B4GALT6: variants seen among roughly 807,000 people sequenced by gnomAD.
The protein encoded by B4GALT6 is UDP-Gal:beta-GlcNAc beta-1,4-galactosyltransferase 6.
A neutral mutation model predicts 46.3 loss-of-function variants in B4GALT6; 14 were observed. The ratio of observed to expected loss-of-function variants is 0.30; its 90% CI spans 0.20 to 0.47. B4GALT6 has a LOEUF of 0.47. Among genes scored for constraint, B4GALT6 ranks in the 20% least tolerant of loss-of-function variants. The pLI, the probability that B4GALT6 is intolerant of heterozygous loss-of-function variation, is 0.99. For synonymous variants in B4GALT6, 168 were observed against 162.0 expected (o/e 1.04, Z -0.28); for missense variants, 386 against 480.1 (o/e 0.80, Z 1.83).
chr18:31,676,215 T>C (rs1477089011), intron 1 of B4GALT6, among the ~76,000 whole-genome samples: 1 of 152,084 alleles, frequency 6.6e-6, no homozygotes, highest in East Asian at 1.9e-4. Context: ...GTAACAAGAT[T>C]TCAGTAAAAT....
At chr18:31,684,732 G>A (rs1185467634), upstream of B4GALT6, 20 of 1,118,734 alleles carry the variant, frequency 1.8e-5, no homozygotes, top group Non-Finnish European at 2.2e-5. Flanking sequence ...GGGGAAGGGC[G>A]AGGAGGAGCG....
At chr18:31,663,155 A>G (rs1391770023) in intron 2 of B4GALT6, among the ~76,000 whole-genome samples, 1 of 152,226 alleles carries the variant, frequency 6.6e-6, no homozygotes, top group East Asian at 1.9e-4. Flanking sequence ...ACTGGACCTT[A>G]TCACTTAAAG....
chr18:31,638,442 GC>G (rs2073888918), intron 5 of B4GALT6, among the ~76,000 whole-genome samples: 1 of 152,132 alleles, frequency 6.6e-6, no homozygotes, highest in African/African-American at 2.4e-5. Context: ...CAGGAGAATG[GC>G]GTGAACCTGG....
chr18:31,633,917 G>T (rs1032862520), intron 5 of B4GALT6, among the ~76,000 whole-genome samples: 2 of 152,206 alleles, frequency 1.3e-5, no homozygotes, highest in South Asian at 4.1e-4. Flanking sequence ...AAAAGAAGGG[G>T]ACTTGTCTGG....
the B4GALT6 span, among the ~76,000 whole-genome samples, chr18:31,699,079 CAAAAAAAA>C: frequency 1.2e-5 from 1 of 82,310 alleles, no homozygotes; most frequent in Non-Finnish European, 2.4e-5. Context: ...GACTCTGTCT[CAAAAAAAA>C]AAAAAAAGAA....
Position 31,684,484 on chromosome 18 carries a change from G to A in B4GALT6, c.-58C>T. On this transcript the variant is annotated 5_prime_UTR_variant, in exon 1 of 9. Transcript: ENST00000306851. ...CTCTCAGGCCGGACTCGGGGCCACT[G>A]TCCAGGCCCTAAACTTCCATAAATG... 6.3e-7 allele frequency: 1 copy of A among 1,586,198 alleles called. No individual in the cohort carries two copies. Among genetic ancestry groups the A allele is most frequent in the Non-Finnish European group, 8.6e-7 (1 of 1,166,584 alleles).
intron 3 of B4GALT6, among the ~76,000 whole-genome samples, chr18:31,654,054 A>T (rs2074109261): frequency 6.6e-6 from 1 of 152,236 alleles, no homozygotes; most frequent in Non-Finnish European, 1.5e-5. Flanking sequence ...CATCTCAAGA[A>T]GTCCTTGGAG....
chr18:31,628,294 A>G (rs2073728458), intron 6 of B4GALT6, among the ~76,000 whole-genome samples: 1 of 152,214 alleles, frequency 6.6e-6, no homozygotes, highest in African/African-American at 2.4e-5. Context: ...GGGGTTCCAC[A>G]GGGCCAATAA....
chr18:31,645,707 T>A (rs2073983829), intron 3 of B4GALT6, among the ~76,000 whole-genome samples: 1 of 152,198 alleles, frequency 6.6e-6, no homozygotes, highest in Non-Finnish European at 1.5e-5. Flanking sequence ...GAAAATCAAA[T>A]TCTTTTTAAA....
intron 1 of B4GALT6, among the ~76,000 whole-genome samples, chr18:31,679,515 C>T (rs2074455340): frequency 6.6e-6 from 1 of 152,216 alleles, no homozygotes; most frequent in South Asian, 2.1e-4. Flanking sequence ...TCAAACTATA[C>T]TTGGTCTTCC....
chr18:31,721,866 CT>C, the B4GALT6 span, among the ~76,000 whole-genome samples: 1 of 152,052 alleles, frequency 6.6e-6, no homozygotes, highest in South Asian at 2.1e-4. Context: ...TTCTTTCTCT[CT>C]CTCTCTCTCT....
At chr18:31,631,494 A>G (rs1208936194) in intron 5 of B4GALT6, among the ~76,000 whole-genome samples, 2 of 152,132 alleles carry the variant, frequency 1.3e-5, no homozygotes, top group African/African-American at 4.8e-5. Flanking sequence ...TTACTATATT[A>G]TTTTATAATT....
At chr18:31,695,119 T>C in the B4GALT6 span, among the ~76,000 whole-genome samples, 1 of 152,084 alleles carries the variant, frequency 6.6e-6, no homozygotes, top group Non-Finnish European at 1.5e-5. Flanking sequence ...GACTGACTTT[T>C]TTCCTATCTT....
At chr18:31,709,465 T>C in the B4GALT6 span, among the ~76,000 whole-genome samples, 2 of 142,152 alleles carry the variant, frequency 1.4e-5, no homozygotes, top group African/African-American at 5.7e-5. Flanking sequence ...ATATGGTATA[T>C]TCTCTTGGCA....
chr18:31,700,280 T>C, the B4GALT6 span, among the ~76,000 whole-genome samples: 6 of 152,152 alleles, frequency 3.9e-5, no homozygotes, highest in South Asian at 2.1e-4. Context: ...CTCCTTAATC[T>C]AAGAAAGCCA....
chr18:31,713,694 T>TA, the B4GALT6 span, among the ~76,000 whole-genome samples: 10 of 152,170 alleles, frequency 6.6e-5, no homozygotes, highest in African/African-American at 2.4e-4. Context: ...AAAGCAAAGT[T>TA]AGGAGTTTAA....
At chr18:31,650,437 C>A (rs571172696) in intron 3 of B4GALT6, among the ~76,000 whole-genome samples, 27 of 152,290 alleles carry the variant, frequency 1.8e-4, no homozygotes, top group African/African-American at 6.5e-4. Context: ...GTCATATGAC[C>A]AAATGCACCC....
Position 31,642,488 on chromosome 18 carries a change from G to A in B4GALT6, c.471+2867C>T, listed in dbSNP as rs1425961817. On this transcript the variant is annotated intron_variant, in intron 4 of 8. Transcript: ENST00000306851. ...AGCAGCTGCCTGGTTCTTTAAGCCTGGAAGTTATAGACCAAAGTTGTTCAT... is the reference window on the plus strand; with the variant it reads ...AGCAGCTGCCTGGTTCTTTAAGCCTAGAAGTTATAGACCAAAGTTGTTCAT... Among the ~76,000 whole-genome samples the A allele has an allele frequency of 2.0e-5, 3 of 152,182 alleles. No homozygotes were observed. The East Asian group carries it at 5.8e-4, about 29-fold the overall frequency.
intron 8 of B4GALT6, among the ~76,000 whole-genome samples, 163 bp from the exon 9 acceptor site, chr18:31,625,924 T>C (rs975646522): frequency 6.6e-6 from 1 of 152,238 alleles, no homozygotes; most frequent in African/African-American, 2.4e-5. Context: ...TTATTCTAAA[T>C]TAGCAATTTT....
Sources: gnomAD v4.1 joint callset for allele counts (sites outside exome capture counted in the v4.1 genomes callset) on GRCh38, gnomAD v4.1.1 for gene constraint, MANE v1.5 for transcripts, NCBI Gene and HGNC (gene_info 2026-07-23, HGNC 2026-07-21) for gene names.